Variants in HACD3 observed in about 807,000 individuals in gnomAD.
The protein encoded by HACD3 is 3-hydroxyacyl-CoA dehydratase 3, also known as very-long-chain (3R)-3-hydroxyacyl-CoA dehydratase 3.
In HACD3, 30 loss-of-function variants were observed where a neutral mutation model predicts 55.2. That is an observed-to-expected ratio of 0.54 (90% CI 0.41 to 0.74). The LOEUF (loss-of-function observed/expected upper bound fraction) is 0.74. Ranked by LOEUF, HACD3 falls within the 30% of genes least tolerant of loss-of-function variation. The pLI is 0.00. For missense variants in HACD3, 363 were observed against 440.1 expected (o/e 0.82, Z 1.57); for synonymous variants, 141 against 151.7 (o/e 0.93, Z 0.52).
At chr15:65,547,946 G>A (rs1257926414) in intron 1 of HACD3, among the ~76,000 whole-genome samples, 1 of 152,202 alleles carries the variant, frequency 6.6e-6, no homozygotes, top group Non-Finnish European at 1.5e-5. Flanking sequence ...GTGGAACAGT[G>A]TGATAAGTAT....
At chr15:65,572,734 G>A (rs538869256) in intron 10 of HACD3, among the ~76,000 whole-genome samples, 2 of 151,936 alleles carry the variant, frequency 1.3e-5, no homozygotes, top group African/African-American at 4.8e-5. Flanking sequence ...GATCAACGTG[G>A]TGAAACCCTG....
At chr15:65,558,643 A>C (rs746906032) in intron 4 of HACD3, 37 bp from the exon 5 acceptor site, 3 of 1,561,494 alleles carry the variant, frequency 1.9e-6, no homozygotes, top group Non-Finnish European at 2.6e-6. Context: ...TGGGAATTCT[A>C]ACTTGTGTTC....
At chr15:65,561,002 C>A (rs2072239453) in intron 5 of HACD3, among the ~76,000 whole-genome samples, 1 of 152,186 alleles carries the variant, frequency 6.6e-6, no homozygotes, top group African/African-American at 2.4e-5. Flanking sequence ...CCCAGTAGTT[C>A]TTCTCACAGT....
intron 4 of HACD3, among the ~76,000 whole-genome samples, chr15:65,557,499 C>T (rs547623805): frequency 6.6e-6 from 1 of 151,692 alleles, no homozygotes; most frequent in Admixed American, 6.6e-5. Context: ...TACATACTGT[C>T]AACGTGACAC....
intron 9 of HACD3, among the ~76,000 whole-genome samples, 175 bp from the exon 10 acceptor site, chr15:65,572,060 A>G (rs2072353488): frequency 6.6e-6 from 1 of 152,212 alleles, no homozygotes; most frequent in African/African-American, 2.4e-5. Context: ...TTGGAGGCTG[A>G]TCTCTTAGAA....
intron 5 of HACD3, 110 bp downstream of exon 5, chr15:65,558,841 G>A: frequency 7.5e-7 from 1 of 1,339,130 alleles, no homozygotes; most frequent in South Asian, 1.3e-5. Flanking sequence ...GGTGAGCTGT[G>A]TGGGTGAGTT....
At position 65,571,705 on chromosome 15, in the gene HACD3, G is replaced by T. The variant is rs377514177; in HGVS notation, c.880+51G>T. 3.6e-6 allele frequency: 5 copies of T among 1,370,598 alleles called. No individual in the cohort carries two copies. The African/African-American group carries it at 4.3e-5, about 12-fold the overall frequency. 84.9% of individuals were successfully genotyped at this position (1,370,598 alleles called of 1,614,324 possible). On this transcript the variant is annotated intron_variant, in intron 9 of 10. Coordinates refer to ENST00000261875, the MANE Select transcript of HACD3 (RefSeq NM_016395.4). ...ATAGCTTAGCTCCAGGGGGTACCCA[G>T]AGGCTGAGAGACCAGTCCTTTCTTC... is the stretch of plus-strand genomic sequence containing the variant.
intron 1 of HACD3, among the ~76,000 whole-genome samples, chr15:65,542,264 T>C (rs2072028603): frequency 6.7e-6 from 1 of 150,180 alleles, no homozygotes. Flanking sequence ...AAAGAATATC[T>C]GTTTTGTATG....
intron 10 of HACD3, among the ~76,000 whole-genome samples, 175 bp from the exon 11 acceptor site, chr15:65,576,128 T>C (rs1325814782): frequency 6.6e-6 from 1 of 152,164 alleles, no homozygotes; most frequent in Non-Finnish European, 1.5e-5. Context: ...GGGGAAAAAT[T>C]GCTTTGTGTC....
chr15:65,543,518 A>G (rs977001921), intron 1 of HACD3, among the ~76,000 whole-genome samples: 3 of 152,204 alleles, frequency 2.0e-5, no homozygotes, highest in Non-Finnish European at 4.4e-5. Context: ...TAAAAGATAT[A>G]AATCTTAAAT....
intron 4 of HACD3, 53 bp downstream of exon 4, chr15:65,556,956 C>T (rs1236008503): frequency 7.8e-6 from 12 of 1,528,912 alleles, no homozygotes; most frequent in Non-Finnish European, 9.8e-6. Context: ...GGGGAACCCA[C>T]GTTATTCAGG....
At chr15:65,533,879 G>C (rs1393262694) in intron 1 of HACD3, among the ~76,000 whole-genome samples, 1 of 151,650 alleles carries the variant, frequency 6.6e-6, no homozygotes, top group Non-Finnish European at 1.5e-5. Context: ...GTGAAACCTC[G>C]TCTCTACTAA....
intron 1 of HACD3, among the ~76,000 whole-genome samples, chr15:65,543,910 A>C (rs556002980): frequency 5.9e-5 from 9 of 152,246 alleles, no homozygotes; most frequent in South Asian, 2.1e-4. Context: ...GGCGTGGTGG[A>C]TCACACCTGT....
Position 65,576,581 on chromosome 15 carries a change from T to TG in HACD3, c.*203dup, listed in dbSNP as rs2072403801. The TG allele has an allele frequency of 1.6e-6, 1 of 619,726 alleles. No individual in the cohort carries two copies. Among genetic ancestry groups the TG allele is most frequent in the South Asian group, 2.1e-5 (1 of 48,344 alleles). The allele number at this position is 619,726 out of a possible 1,614,324, so 38.4% of individuals were successfully genotyped here. A position where few individuals can be genotyped will look rare whatever the true frequency, so the allele number is the denominator to read the frequency against. ...CATGACATGGATTCCTGATATCTGA[T>TG]GAGAGGTTCATTCTTGTGTATTCAG... On this transcript the variant is annotated 3_prime_UTR_variant, in exon 11 of 11. Transcript: ENST00000261875.
intron 1 of HACD3, among the ~76,000 whole-genome samples, chr15:65,533,820 G>A (rs1459514638): frequency 6.6e-6 from 1 of 151,724 alleles, no homozygotes; most frequent in Admixed American, 6.6e-5. Context: ...GGGAGGCCGA[G>A]ACGGGCGGAT....
chr15:65,554,414 A>C (rs970682696), intron 2 of HACD3, among the ~76,000 whole-genome samples: 1 of 152,126 alleles, frequency 6.6e-6, no homozygotes, highest in Admixed American at 6.5e-5. Context: ...ACAAGCCCCC[A>C]CACATTTTAA....
chr15:65,575,468 G>A (rs1197354558), intron 10 of HACD3, among the ~76,000 whole-genome samples: 6 of 152,042 alleles, frequency 3.9e-5, no homozygotes, highest in Non-Finnish European at 1.5e-5. Flanking sequence ...GATTACGGTC[G>A]TGAGCCACCA....
chr15:65,570,278 A>C, intron 8 of HACD3, 75 bp downstream of exon 8: 1 of 1,095,222 alleles, frequency 9.1e-7, no homozygotes, highest in African/African-American at 1.6e-5. Flanking sequence ...GGGAGTTGTT[A>C]TCTTAGCCAG....
chr15:65,539,520 C>T (rs904226582), intron 1 of HACD3, among the ~76,000 whole-genome samples: 6 of 152,004 alleles, frequency 3.9e-5, no homozygotes, highest in Admixed American at 6.6e-5. Context: ...CGTGCCCAGC[C>T]GGACTTTTTT....
Sources: allele counts gnomAD v4.1 joint callset (sites outside exome capture counted in the v4.1 genomes callset), GRCh38; gene constraint gnomAD v4.1.1; transcripts MANE v1.5; gene names NCBI Gene and HGNC (gene_info 2026-07-23, HGNC 2026-07-21).